CADM2: variants seen among roughly 807,000 people sequenced by gnomAD.
CADM2 encodes the protein cell adhesion molecule 2.
CADM2 carries 12 observed loss-of-function variants against 49.8 expected under a neutral mutation model. The ratio of observed to expected loss-of-function variants is 0.24; its 90% CI spans 0.15 to 0.39. CADM2 has a LOEUF of 0.39. Ranked by LOEUF, CADM2 falls within the 10% of genes least tolerant of loss-of-function variation. The pLI is 1.00. For missense variants in CADM2, 378 were observed against 492.3 expected (o/e 0.77, Z 2.20); for synonymous variants, 214 against 175.4 (o/e 1.22, Z -1.74).
intron 1 of CADM2, among the ~76,000 whole-genome samples, chr3:85,336,966 T>TAAATATATATTTAATATATATATA (rs2045099601): frequency 5.6e-5 from 1 of 17,766 alleles, no homozygotes; most frequent in African/African-American, 7.2e-5. Flanking sequence ...ATATATATAT[T>TAAATATATATTTAATATATATATA]AAATATATAT....
intron 1 of CADM2, among the ~76,000 whole-genome samples, chr3:85,388,025 CA>C (rs2034329943): frequency 1.3e-5 from 2 of 152,078 alleles, no homozygotes; most frequent in African/African-American, 4.8e-5. Context: ...GACATAAGTC[CA>C]ATAATGTACA....
intron 8 of CADM2, among the ~76,000 whole-genome samples, chr3:85,981,157 T>C (rs1727432506): frequency 6.6e-6 from 1 of 151,458 alleles, no homozygotes; most frequent in Admixed American, 6.6e-5. Flanking sequence ...GGACTATATA[T>C]ATGTATATAT....
chr3:85,769,459 TACATATATA>T (rs2069907676), intron 2 of CADM2, among the ~76,000 whole-genome samples: 1 of 78,882 alleles, frequency 1.3e-5, no homozygotes, highest in Non-Finnish European at 2.3e-5. Context: ...TATACATATA[TACATATATA>T]GTATATATAC....
At chr3:85,683,329 G>C (rs570469229) in intron 1 of CADM2, among the ~76,000 whole-genome samples, 2 of 152,074 alleles carry the variant, frequency 1.3e-5, no homozygotes, top group Non-Finnish European at 2.9e-5. Context: ...ACACGATATT[G>C]TTCTTTATGG....
intron 1 of CADM2, among the ~76,000 whole-genome samples, chr3:85,287,746 C>T (rs187317270): frequency 1.3e-5 from 2 of 151,928 alleles, no homozygotes; most frequent in African/African-American, 4.8e-5. Flanking sequence ...ATTTTTTTAA[C>T]CTTTTGAAAG....
intron 8 of CADM2, chr3:86,028,108 G>A (rs1359963671): frequency 1.3e-5 from 2 of 150,564 alleles, no homozygotes; most frequent in African/African-American, 4.9e-5. Context: ...GTTAAATGAT[G>A]AGTTAATGGG....
At chr3:86,027,778 C>CT (rs1734074934) in intron 8 of CADM2, 1 of 151,858 alleles carries the variant, frequency 6.6e-6, no homozygotes, top group Non-Finnish European at 1.5e-5. Context: ...AAGTATTGCT[C>CT]TTTATAACGA....
intron 8 of CADM2, among the ~76,000 whole-genome samples, chr3:85,985,800 C>A (rs1728033974): frequency 6.6e-6 from 1 of 151,824 alleles, no homozygotes. Flanking sequence ...ATCATATACA[C>A]AAAGTTGAGC....
chr3:85,818,327 G>A (rs971388898), intron 3 of CADM2, among the ~76,000 whole-genome samples: 1 of 152,084 alleles, frequency 6.6e-6, no homozygotes, highest in African/African-American at 2.4e-5. Flanking sequence ...GGTGAGAAAT[G>A]TATGAAAGAG....
intron 1 of CADM2, among the ~76,000 whole-genome samples, chr3:85,185,145 C>A (rs957911995): frequency 6.6e-6 from 1 of 151,966 alleles, no homozygotes; most frequent in African/African-American, 2.4e-5. Flanking sequence ...AAAAATAGAA[C>A]CCACAAGGCT....
At chr3:85,726,884 T>C (rs1338356286) in intron 2 of CADM2, among the ~76,000 whole-genome samples, 1 of 152,070 alleles carries the variant, frequency 6.6e-6, no homozygotes, top group African/African-American at 2.4e-5. Context: ...AAATACAGCA[T>C]AAAATAAAAC....
At chr3:85,300,308 ATACCCTGTT>A (rs2044064532) in intron 1 of CADM2, among the ~76,000 whole-genome samples, 1 of 152,124 alleles carries the variant, frequency 6.6e-6, no homozygotes, top group Non-Finnish European at 1.5e-5. Context: ...GTTTCACATA[ATACCCTGTT>A]CGTAAGAATT....
At chr3:85,618,152 G>C (rs994584185) in intron 1 of CADM2, among the ~76,000 whole-genome samples, 3 of 152,010 alleles carry the variant, frequency 2.0e-5, no homozygotes, top group African/African-American at 7.2e-5. Flanking sequence ...AAAAGGCTTT[G>C]TGAAAAAAAT....
At chr3:86,058,558 C>T (rs2107375000) in intron 8 of CADM2, among the ~76,000 whole-genome samples, 1 of 152,182 alleles carries the variant, frequency 6.6e-6, no homozygotes, top group South Asian at 2.1e-4. Context: ...AGTTTGTAAG[C>T]AGTGTCTTCC....
chr3:85,997,940 C>A (rs1729633236), intron 8 of CADM2, among the ~76,000 whole-genome samples: 1 of 152,124 alleles, frequency 6.6e-6, no homozygotes, highest in Non-Finnish European at 1.5e-5. Flanking sequence ...CATTTATCAT[C>A]AATTCATTCT....
At chr3:85,566,331 A>ATT (rs1006053502) in intron 1 of CADM2, among the ~76,000 whole-genome samples, 1 of 149,962 alleles carries the variant, frequency 6.7e-6, no homozygotes, top group African/African-American at 2.4e-5. Flanking sequence ...ACTTTAAGTG[A>ATT]TTTTTTTTTT....
intron 1 of CADM2, among the ~76,000 whole-genome samples, chr3:85,504,008 T>G (rs2040217819): frequency 6.6e-6 from 1 of 152,188 alleles, no homozygotes; most frequent in South Asian, 2.1e-4. Flanking sequence ...GAATCAAACA[T>G]AGATAATAGA....
intron 2 of CADM2, among the ~76,000 whole-genome samples, chr3:85,763,327 C>A (rs937080077): frequency 6.6e-6 from 1 of 152,150 alleles, no homozygotes; most frequent in Non-Finnish European, 1.5e-5. Context: ...GTGTTGCATT[C>A]TCCTTTACTT....
At chr3:84,995,002 C>T (rs2033099755) in intron 1 of CADM2, among the ~76,000 whole-genome samples, 1 of 151,956 alleles carries the variant, frequency 6.6e-6, no homozygotes, top group Non-Finnish European at 1.5e-5. Flanking sequence ...TGCACTCCAG[C>T]CTGGGCGACA....
Sources: gnomAD v4.1 joint callset for allele counts (sites outside exome capture counted in the v4.1 genomes callset) on GRCh38, gnomAD v4.1.1 for gene constraint, MANE v1.5 for transcripts, NCBI Gene and HGNC (gene_info 2026-07-23, HGNC 2026-07-21) for gene names.